The following GAP43 variants were observed in gnomAD, a reference collection of about 807,000 sequenced individuals.
GAP43 encodes the protein neuromodulin.
In GAP43, 6 loss-of-function variants were observed where a neutral mutation model predicts 18.6. That is an observed-to-expected ratio of 0.32 (90% CI 0.18 to 0.64). GAP43 has a LOEUF of 0.64. Among genes scored for constraint, GAP43 ranks in the 30% least tolerant of loss-of-function variants. GAP43 has a pLI of 0.78. For missense variants in GAP43, 292 were observed against 295.5 expected, an observed-to-expected ratio of 0.99 and a Z score of 0.09; for synonymous variants, 115 against 111.4, an observed-to-expected ratio of 1.03 and a Z score of -0.20.
Position 115,644,050 on chromosome 3 carries a change from C to T in GAP43, c.30+20331C>T, listed in dbSNP as rs1237654493. On this transcript the variant is annotated intron_variant, in intron 1 of 2. Coordinates refer to ENST00000305124, the MANE Select transcript of GAP43 (RefSeq NM_002045.4). The surrounding 1 kb of genome is among the most constrained non-coding windows in gnomAD (Gnocchi z 4.2). ...CCAGCAGTAACCCATATATTTCTTT[C>T]AACCTAGCTGTCAGTCTAAGGTATG... 6.6e-6 allele frequency among the ~76,000 whole-genome samples: 1 copy of T among 152,008 alleles called. No homozygotes were observed. The highest frequency in any genetic ancestry group is 1.5e-5 in the Non-Finnish European group (1 of 67,970).
At chr3:115,665,083 TAAC>T (rs1708716703) in intron 1 of GAP43, among the ~76,000 whole-genome samples, 1 of 152,144 alleles carries the variant, frequency 6.6e-6, no homozygotes, top group Non-Finnish European at 1.5e-5. Context: ...TGCTGATAGG[TAAC>T]ACTGTCCTTG....
chr3:115,676,392 C>T lies in GAP43; in HGVS notation c.410C>T (p.Ser137Leu), dbSNP rs1185272164. 3 of 1,613,940 alleles carry T rather than the reference C, an allele frequency of 1.9e-6. No individual in the cohort carries two copies. Among genetic ancestry groups the T allele is most frequent in the Admixed American group, 1.7e-5 (1 of 60,014 alleles). The part of the protein sequence containing the change: ...APASSEEKAG[S>L]AETESATKAS... ...GCATCCTCAGAGGAGAAGGCCGGCT[C>T]AGCTGAGACAGAAAGTGCCACTAAA... is the stretch of plus-strand genomic sequence containing the variant. Residue 137 changes from serine (S) to leucine (L), a missense_variant, in exon 2 of 3, where the codon TCA becomes TTA. By Grantham distance (145) the Ser-to-Leu change is moderately radical. Coordinates refer to ENST00000305124, the MANE Select transcript of GAP43 (RefSeq NM_002045.4).
chr3:115,632,409 G>A (rs1191616953), intron 1 of GAP43, among the ~76,000 whole-genome samples: 3 of 152,132 alleles, frequency 2.0e-5, no homozygotes, highest in Non-Finnish European at 4.4e-5. Context: ...CTTGATTAGA[G>A]AGGTGATATG....
chr3:115,662,132 C>T (rs1297851276), intron 1 of GAP43, among the ~76,000 whole-genome samples: 1 of 152,034 alleles, frequency 6.6e-6, no homozygotes, highest in African/African-American at 2.4e-5. Context: ...ATAGTGTTAG[C>T]TTTTATTGTC....
chr3:115,698,554 C>A (rs1709254862), intron 2 of GAP43, among the ~76,000 whole-genome samples: 1 of 150,912 alleles, frequency 6.6e-6, no homozygotes, highest in Non-Finnish European at 1.5e-5. Context: ...GAAAAGGCTG[C>A]TTATGTCTGT....
intron 2 of GAP43, among the ~76,000 whole-genome samples, chr3:115,690,878 C>A (rs1709102535): frequency 2.0e-5 from 3 of 151,650 alleles, no homozygotes; most frequent in Admixed American, 6.6e-5. Flanking sequence ...GCCTCAGCCT[C>A]CTGAGTAGCT....
intron 1 of GAP43, among the ~76,000 whole-genome samples, chr3:115,635,708 A>G (rs529279734): frequency 2.0e-5 from 3 of 151,830 alleles, no homozygotes; most frequent in Non-Finnish European, 4.4e-5. Flanking sequence ...ACTCTGCAGG[A>G]CTAGGTATGA....
chr3:115,657,153 A>G (rs888870056), intron 1 of GAP43, among the ~76,000 whole-genome samples: 10 of 152,190 alleles, frequency 6.6e-5, no homozygotes, highest in Non-Finnish European at 1.5e-4. Context: ...AAAGGTTGGA[A>G]GAAACATCAT....
chr3:115,654,515 G>C (rs746317420), intron 1 of GAP43, among the ~76,000 whole-genome samples: 11 of 152,104 alleles, frequency 7.2e-5, no homozygotes, highest in Non-Finnish European at 1.5e-4. Context: ...ATGTTCCTGA[G>C]TCAGAAGAGT....
chr3:115,663,530 G>C, intron 1 of GAP43: 1 of 1,244,218 alleles, frequency 8.0e-7, no homozygotes, highest in Non-Finnish European at 1.0e-6. Flanking sequence ...GAATTAAAAG[G>C]GAACCTGGTC....
chr3:115,715,592 A>G (rs1404408941), intron 2 of GAP43, among the ~76,000 whole-genome samples: 1 of 152,234 alleles, frequency 6.6e-6, no homozygotes, highest in African/African-American at 2.4e-5. Flanking sequence ...TGTCTTTGAC[A>G]CTCACCATGA....
At chr3:115,666,144 A>G (rs889326303) in intron 1 of GAP43, among the ~76,000 whole-genome samples, 1 of 151,928 alleles carries the variant, frequency 6.6e-6, no homozygotes, top group African/African-American at 2.4e-5. Context: ...GGGGTGGGTA[A>G]GTTAGAGAAG....
rs774808326 is a variant in GAP43, at chr3:115,720,830, G to A, written c.665G>A (p.Arg222Gln). 2.5e-6 allele frequency: 4 copies of A among 1,612,894 alleles called. No homozygotes were observed. The highest frequency in any genetic ancestry group is 1.1e-5 in the South Asian group (1 of 91,002). Reference protein sequence around the residue: ...VDETKPKESARQDEGKEEEPE... With the variant: ...VDETKPKESAQQDEGKEEEPE... ...GAAACCAAACCTAAGGAAAGTGCCC[G>A]GCAGGACGAGGGTAAAGAAGAGGAA... The change falls in exon 3 of 3, where the codon CGG becomes CAG. Residue 222 changes from arginine to glutamine, a missense_variant. Physicochemically the swap from Arg to Gln is conservative, Grantham distance 43. Transcript: ENST00000305124.
At chr3:115,694,621 G>A (rs1253881227) in intron 2 of GAP43, among the ~76,000 whole-genome samples, 1 of 152,178 alleles carries the variant, frequency 6.6e-6, no homozygotes, top group Admixed American at 6.5e-5. Flanking sequence ...TACAAATGAG[G>A]AAACAGAAGC....
At chr3:115,627,283 T>C (rs1386740512) in intron 1 of GAP43, among the ~76,000 whole-genome samples, 1 of 151,716 alleles carries the variant, frequency 6.6e-6, no homozygotes, top group Non-Finnish European at 1.5e-5. Context: ...TCTCTCCTGC[T>C]GACAGAGTCT....
At position 115,676,365 on chromosome 3, in the gene GAP43, C is replaced by T; in HGVS notation, c.383C>T (p.Pro128Leu). Residue 128 changes from proline to leucine, a missense_variant, in exon 2 of 3, where the codon CCT (proline) becomes CTT (leucine). By Grantham distance (98) the Pro-to-Leu change is moderately conservative. Coordinates refer to ENST00000305124, the MANE Select transcript of GAP43 (RefSeq NM_002045.4). ...AATEQAAPQA[P>L]ASSEEKAGSA... The stretch of plus-strand genomic sequence containing the variant: ...ACAGAGCAGGCAGCCCCCCAGGCTC[C>T]TGCATCCTCAGAGGAGAAGGCCGGC... 1.2e-6 allele frequency: 2 copies of T among 1,614,122 alleles called. No individual in the cohort carries two copies.
At chr3:115,683,143 G>A (rs146923145) in intron 2 of GAP43, among the ~76,000 whole-genome samples, 5,641 of 125,608 alleles carry the variant, frequency 0.045, 148 homozygotes, top group South Asian at 0.074. Flanking sequence ...GTGCGCGCGC[G>A]CGCGCACACA....
intron 1 of GAP43, among the ~76,000 whole-genome samples, chr3:115,669,651 T>G (rs1295574404): frequency 1.3e-5 from 2 of 152,188 alleles, no homozygotes; most frequent in African/African-American, 2.4e-5. Flanking sequence ...GAAACTGAGT[T>G]CTACTCTGAT....
At chr3:115,689,833 A>G (rs1709081792) in intron 2 of GAP43, among the ~76,000 whole-genome samples, 1 of 152,188 alleles carries the variant, frequency 6.6e-6, no homozygotes, top group Non-Finnish European at 1.5e-5. Flanking sequence ...CGATCAGGGG[A>G]GGCAGAAAGA....
Sources: allele counts gnomAD v4.1 joint callset (sites outside exome capture counted in the v4.1 genomes callset), GRCh38; gene constraint gnomAD v4.1.1; non-coding constraint Gnocchi (gnomAD v3.1); transcripts MANE v1.5; gene names NCBI Gene and HGNC (gene_info 2026-07-23, HGNC 2026-07-21).